CDH18: variants seen among roughly 807,000 people sequenced by gnomAD.
CDH18 encodes cadherin 18.
Under a neutral mutation model 67.9 loss-of-function variants are expected in CDH18, and 31 were observed. The ratio of observed to expected loss-of-function variants is 0.46; its 90% CI spans 0.34 to 0.62. The LOEUF is 0.62. Among genes scored for constraint, CDH18 ranks in the 20% least tolerant of loss-of-function variants. The pLI is 0.01. For missense variants in CDH18, 890 were observed against 975.5 expected (o/e 0.91, Z 1.17); for synonymous variants, 362 against 347.2 (o/e 1.04, Z -0.48).
intron 2 of CDH18, among the ~76,000 whole-genome samples, chr5:20,192,566 T>C (rs963363448): frequency 6.6e-6 from 1 of 152,196 alleles, no homozygotes; most frequent in Non-Finnish European, 1.5e-5. Context: ...GTTTTCTGCA[T>C]ATGGCTAGCC....
chr5:20,024,111 A>G (rs1245890555), intron 2 of CDH18, among the ~76,000 whole-genome samples: 1 of 152,214 alleles, frequency 6.6e-6, no homozygotes, highest in Non-Finnish European at 1.5e-5. Context: ...TTAAAAGCTA[A>G]TCTCATCATA....
intron 1 of CDH18, among the ~76,000 whole-genome samples, chr5:20,543,924 A>T (rs1227594912): frequency 6.6e-6 from 1 of 152,182 alleles, no homozygotes; most frequent in African/African-American, 2.4e-5. Flanking sequence ...GAAATGTGAA[A>T]GGCAAATGTA....
At chr5:20,468,518 C>T in intron 1 of CDH18, among the ~76,000 whole-genome samples, 1 of 152,174 alleles carries the variant, frequency 6.6e-6, no homozygotes, top group East Asian at 1.9e-4. Context: ...AGATTCCAAA[C>T]AATCTGATAA....
At chr5:19,909,450 C>T (rs577231593) in intron 2 of CDH18, among the ~76,000 whole-genome samples, 2 of 151,832 alleles carry the variant, frequency 1.3e-5, no homozygotes, top group Non-Finnish European at 2.9e-5. Flanking sequence ...CAGTCACATG[C>T]CACCACACCT....
chr5:20,285,658 C>G (rs1746645417), intron 1 of CDH18, among the ~76,000 whole-genome samples: 1 of 151,158 alleles, frequency 6.6e-6, no homozygotes, highest in Non-Finnish European at 1.5e-5. Context: ...TTTGTGGAGG[C>G]CAGTTGCTTG....
chr5:20,486,585 C>A (rs1159918233), intron 1 of CDH18, among the ~76,000 whole-genome samples: 1 of 151,194 alleles, frequency 6.6e-6, no homozygotes, highest in African/African-American at 2.4e-5. Flanking sequence ...ATTTTGGATC[C>A]CTTTTTTTTG....
intron 3 of CDH18, among the ~76,000 whole-genome samples, chr5:19,757,333 G>A (rs1471162255): frequency 6.6e-6 from 1 of 152,186 alleles, no homozygotes; most frequent in Non-Finnish European, 1.5e-5. Flanking sequence ...CTGTCATCAG[G>A]TAGCTGGCTG....
chr5:20,486,698 TAC>T (rs1554008078), intron 1 of CDH18, among the ~76,000 whole-genome samples: 1 of 150,424 alleles, frequency 6.6e-6, no homozygotes, highest in Admixed American at 6.6e-5. Flanking sequence ...TATATATATA[TAC>T]ATATATGTGT....
chr5:19,520,542 C>A, intron 10 of CDH18, 115 bp downstream of exon 10: 1 of 834,384 alleles, frequency 1.2e-6, no homozygotes, highest in South Asian at 2.7e-5. Flanking sequence ...GAAATTATTT[C>A]CACTGAGTAC....
At chr5:20,402,891 G>C (rs1365778356) in intron 1 of CDH18, among the ~76,000 whole-genome samples, 6 of 151,670 alleles carry the variant, frequency 4.0e-5, no homozygotes, top group Non-Finnish European at 8.8e-5. Context: ...CTGGGTAACA[G>C]AGCAAGCCTT....
At chr5:20,570,256 A>G (rs1758739410) in intron 1 of CDH18, among the ~76,000 whole-genome samples, 1 of 152,194 alleles carries the variant, frequency 6.6e-6, no homozygotes, top group African/African-American at 2.4e-5. Context: ...GTTAATCATA[A>G]GAAAAACTGG....
At chr5:20,523,246 C>A (rs1755852737) in intron 1 of CDH18, among the ~76,000 whole-genome samples, 1 of 152,070 alleles carries the variant, frequency 6.6e-6, no homozygotes, top group Admixed American at 6.6e-5. Flanking sequence ...ATGCTTTTTG[C>A]AAATGTCTTT....
chr5:20,160,870 T>C (rs1245909077), intron 2 of CDH18, among the ~76,000 whole-genome samples: 1 of 152,242 alleles, frequency 6.6e-6, no homozygotes, highest in South Asian at 2.1e-4. Flanking sequence ...GTTTGCCACA[T>C]TGGTCCGCCA....
intron 2 of CDH18, among the ~76,000 whole-genome samples, chr5:20,135,011 A>T (rs80208268): frequency 0.048 from 7,337 of 152,084 alleles, 300 homozygotes; most frequent in African/African-American, 0.1. Flanking sequence ...TTGACCTCTG[A>T]TGACTGTATA....
intron 4 of CDH18, among the ~76,000 whole-genome samples, chr5:19,723,959 C>T (rs901026404): frequency 3.3e-5 from 5 of 152,092 alleles, no homozygotes; most frequent in Non-Finnish European, 5.9e-5. Flanking sequence ...GATTTGCCCG[C>T]CTCAGCCTCC....
intron 8 of CDH18, among the ~76,000 whole-genome samples, chr5:19,569,246 A>T (rs907058228): frequency 3.9e-5 from 6 of 152,152 alleles, no homozygotes; most frequent in African/African-American, 1.4e-4. Context: ...CCCACAGGTA[A>T]CCCAAGCTCC....
chr5:19,552,226 T>A (rs1454675516), intron 8 of CDH18, among the ~76,000 whole-genome samples: 1 of 152,140 alleles, frequency 6.6e-6, no homozygotes, highest in Non-Finnish European at 1.5e-5. Flanking sequence ...AATTGTTTTC[T>A]CTTTATGGTG....
intron 1 of CDH18, among the ~76,000 whole-genome samples, chr5:20,508,212 T>C (rs1439668741): frequency 6.6e-6 from 1 of 151,104 alleles, no homozygotes; most frequent in Non-Finnish European, 1.5e-5. Context: ...TAAAACACAA[T>C]GTCACTTCAG....
chr5:19,842,623 C>T (rs571959860), intron 2 of CDH18, among the ~76,000 whole-genome samples: 10 of 152,058 alleles, frequency 6.6e-5, no homozygotes, highest in African/African-American at 1.9e-4. Context: ...TAATACAATA[C>T]ATTTTACCAG....
Sources: allele counts gnomAD v4.1 joint callset (sites outside exome capture counted in the v4.1 genomes callset), GRCh38; gene constraint gnomAD v4.1.1; transcripts MANE v1.5; gene names NCBI Gene and HGNC (gene_info 2026-07-23, HGNC 2026-07-21).